The following METTL6 variants were observed in gnomAD, a reference collection of about 807,000 sequenced individuals.
METTL6 encodes tRNA N(3)-cytidine methyltransferase METTL6.
METTL6 carries 22 observed loss-of-function variants against 26.4 expected under a neutral mutation model. That is an observed-to-expected ratio of 0.83 (90% CI 0.59 to 1.19). METTL6 has a LOEUF of 1.19. Ranked by LOEUF, METTL6 falls within the 50% of genes most tolerant of loss-of-function variation. The pLI is 0.00. For synonymous variants in METTL6, 109 were observed against 116.2 expected (o/e 0.94, Z 0.40); for missense variants, 304 against 324.8 (o/e 0.94, Z 0.49).
exon 7 of METTL6, chr3:15,382,050 C>T (rs7643108): frequency 1.0e-3 from 141 of 136,314 alleles, no homozygotes; most frequent in African/African-American, 3.7e-3. Context: ...TTCTTTGGTT[C>T]TTTTTTTTTT....
chr3:15,411,749 CT>C (rs879428047), intron 5 of METTL6, among the ~76,000 whole-genome samples: 81 of 144,850 alleles, frequency 5.6e-4, no homozygotes, highest in Non-Finnish European at 5.7e-4. Flanking sequence ...GGTTATATTC[CT>C]TTTTTTTTTT....
chr3:15,426,357 T>G lies in METTL6; in HGVS notation c.155A>C (p.Asn52Thr). 1 of 1,614,264 alleles carries G rather than the reference T, an allele frequency of 6.2e-7. No individual in the cohort carries two copies. Among genetic ancestry groups the G allele is most frequent in the Non-Finnish European group, 8.5e-7 (1 of 1,180,044 alleles). Residue 52 changes from asparagine (N) to threonine (T), a missense_variant, in exon 2 of 6, where the codon AAT becomes ACT. Coordinates refer to ENST00000383790, the MANE Select transcript of METTL6 (RefSeq NM_152396.4). ...TCTGTCTTTGAAGAAATTAGTGCTA[T>G]TTCTTTTGTAAAAAAGATCCCAATT... ...QKNWDLFYKRNSTNFFKDRHW... is the reference protein window; with the variant it reads ...QKNWDLFYKRTSTNFFKDRHW...
intron 6 of METTL6, among the ~76,000 whole-genome samples, chr3:15,392,558 T>C (rs891242889): frequency 5.3e-5 from 8 of 152,360 alleles, no homozygotes; most frequent in Non-Finnish European, 1.2e-4. Flanking sequence ...GTTTTAGACA[T>C]GAAGTCCTTG....
intron 3 of METTL6, among the ~76,000 whole-genome samples, chr3:15,422,526 G>A (rs1310663490): frequency 1.3e-5 from 2 of 151,996 alleles, no homozygotes; most frequent in Non-Finnish European, 2.9e-5. Context: ...TTGAGAGGCA[G>A]AGGCAGGAGG....
intron 6 of METTL6, among the ~76,000 whole-genome samples, chr3:15,403,683 C>G (rs926882458): frequency 6.6e-5 from 10 of 152,140 alleles, no homozygotes; most frequent in African/African-American, 2.4e-4. Context: ...GGATCCCAAT[C>G]CAGACCCCAA....
chr3:15,400,925 G>A (rs1204334257), intron 6 of METTL6, among the ~76,000 whole-genome samples: 1 of 152,096 alleles, frequency 6.6e-6, no homozygotes, highest in Non-Finnish European at 1.5e-5. Flanking sequence ...GCAATGGCTG[G>A]ATATCAGCTC....
Position 15,410,510 on chromosome 3 carries a change from C to A in METTL6, c.*746G>T, listed in dbSNP as rs1457651532. Among the ~76,000 whole-genome samples, 5 of 152,110 alleles carry A rather than the reference C, an allele frequency of 3.3e-5. No individual in the cohort carries two copies. The highest frequency in any genetic ancestry group is 2.9e-5 in the Non-Finnish European group (2 of 68,018). On this transcript the variant is annotated 3_prime_UTR_variant, in exon 6 of 6. Coordinates refer to ENST00000383790, the MANE Select transcript of METTL6 (RefSeq NM_152396.4). ...ATTTTCTGTAGAGACAGAGTTTCACCATGTTGCCCACACTGGTCTTGAACT... is the reference window on the plus strand; with the variant it reads ...ATTTTCTGTAGAGACAGAGTTTCACAATGTTGCCCACACTGGTCTTGAACT...
downstream of METTL6, among the ~76,000 whole-genome samples, chr3:15,406,603 TATATATATATATATATATATATATATAG>T (rs1699795602): frequency 1.5e-4 from 4 of 27,558 alleles, no homozygotes; most frequent in Non-Finnish European, 2.9e-4. Context: ...TATATATATA[TATATATATATATATATATATATATATAG>T]AGAGAGAGAG....
At position 15,393,913 on chromosome 3, in the gene METTL6, G is replaced by A. The variant is rs184704171; in HGVS notation, c.*12-9726C>T. Among the ~76,000 whole-genome samples, 1,447 of 152,268 alleles carry A rather than the reference G, an allele frequency of 9.5e-3. 17 individuals are homozygous for A. Among genetic ancestry groups the A allele is most frequent in the African/African-American group, 0.012 (512 of 41,544 alleles). On this transcript the variant is annotated intron_variant, in intron 6 of 6. Coordinates refer to the METTL6 transcript ENST00000443029. ...ATTCAGTTTCCCAGTATTTTATTGA[G>A]GATTTTTGCATCGATGTTCATCAGG...
chr3:15,419,211 G>A (rs1000143824), intron 3 of METTL6, among the ~76,000 whole-genome samples: 2 of 151,738 alleles, frequency 1.3e-5, no homozygotes, highest in Admixed American at 1.3e-4. Flanking sequence ...ACTGTAAAGC[G>A]ATGCTGAATA....
At chr3:15,425,793 T>C (rs2061706144) in intron 2 of METTL6, among the ~76,000 whole-genome samples, 2 of 152,198 alleles carry the variant, frequency 1.3e-5, no homozygotes, top group African/African-American at 4.8e-5. Context: ...AAGTTCTCTC[T>C]CCTATATGTT....
chr3:15,400,088 G>A (rs1294753516), intron 6 of METTL6, among the ~76,000 whole-genome samples: 2 of 152,110 alleles, frequency 1.3e-5, no homozygotes, highest in African/African-American at 2.4e-5. Context: ...GGGTCGACAC[G>A]TCCCAGATAG....
chr3:15,399,687 A>G (rs1158346364), intron 6 of METTL6, among the ~76,000 whole-genome samples: 2 of 152,054 alleles, frequency 1.3e-5, no homozygotes, highest in Non-Finnish European at 2.9e-5. Context: ...AAACTAAAGA[A>G]TAAACATTTC....
intron 6 of METTL6, among the ~76,000 whole-genome samples, chr3:15,391,708 C>G (rs185889761): frequency 0.025 from 3,258 of 130,144 alleles, 70 homozygotes; most frequent in Middle Eastern, 0.052. Context: ...TCCATGTGTT[C>G]TCACTGTTCA....
At chr3:15,382,519 T>C (rs562487219) in exon 7 of METTL6, 1 of 151,980 alleles carries the variant, frequency 6.6e-6, no homozygotes, top group East Asian at 1.9e-4. Flanking sequence ...AAAATAAAAT[T>C]AGCCACACAT....
At chr3:15,403,064 T>A (rs1369297701) in intron 6 of METTL6, among the ~76,000 whole-genome samples, 1 of 152,204 alleles carries the variant, frequency 6.6e-6, no homozygotes, top group Non-Finnish European at 1.5e-5. Flanking sequence ...AGGTCAGATT[T>A]ATTTCACTGT....
At chr3:15,415,445 C>T in intron 4 of METTL6, 3 of 1,517,398 alleles carry the variant, frequency 2.0e-6, no homozygotes, top group Non-Finnish European at 2.7e-6. Flanking sequence ...GCATGAAACA[C>T]CACACCTGGC....
intron 2 of METTL6, among the ~76,000 whole-genome samples, chr3:15,425,587 A>G (rs2061699382): frequency 6.6e-6 from 1 of 152,250 alleles, no homozygotes; most frequent in Non-Finnish European, 1.5e-5. Flanking sequence ...TTTAATGTTT[A>G]AAATTTTAAA....
chr3:15,411,225 G>A lies in METTL6; in HGVS notation c.*31C>T. On this transcript the variant is annotated 3_prime_UTR_variant, in exon 6 of 6. Coordinates refer to ENST00000383790, the MANE Select transcript of METTL6 (RefSeq NM_152396.4). The stretch of plus-strand genomic sequence containing the variant: ...AGTGATTTTAAATTTTCCTCTTCAA[G>A]GGAAGGTATAAATGCCAACCTCATG... 1 of 1,586,558 alleles carries A rather than the reference G, an allele frequency of 6.3e-7. No individual in the cohort carries two copies. Among genetic ancestry groups the A allele is most frequent in the Non-Finnish European group, 8.6e-7 (1 of 1,168,974 alleles).
Sources: allele counts gnomAD v4.1 joint callset (sites outside exome capture counted in the v4.1 genomes callset), GRCh38; gene constraint gnomAD v4.1.1; transcripts MANE v1.5; gene names NCBI Gene and HGNC (gene_info 2026-07-23, HGNC 2026-07-21).